SPOCK3: variants seen among roughly 807,000 people sequenced by gnomAD.
The protein encoded by SPOCK3 is testican-3.
SPOCK3 carries 30 observed loss-of-function variants against 56.6 expected under a neutral mutation model. The observed-to-expected ratio is 0.53, with a 90% CI of 0.40 to 0.72. The LOEUF is 0.72. SPOCK3 is among the 30% of genes least tolerant of loss of function. SPOCK3 has a pLI of 0.00. For missense variants in SPOCK3, 527 were observed against 530.0 expected, an observed-to-expected ratio of 0.99 and a Z score of 0.06; for synonymous variants, 196 against 183.3, an observed-to-expected ratio of 1.07 and a Z score of -0.56.
chr4:166,951,350 T>C (rs1169886162), intron 4 of SPOCK3, among the ~76,000 whole-genome samples: 2 of 137,178 alleles, frequency 1.5e-5, no homozygotes, highest in Non-Finnish European at 3.1e-5. Flanking sequence ...GATAAATTCC[T>C]CGACACATAC....
chr4:166,937,934 C>T (rs371521910), intron 4 of SPOCK3, among the ~76,000 whole-genome samples: 15 of 131,544 alleles, frequency 1.1e-4, no homozygotes, highest in South Asian at 2.5e-4. Flanking sequence ...CGGCTAATCT[C>T]TTTTTTTTTT....
intron 4 of SPOCK3, among the ~76,000 whole-genome samples, chr4:166,990,074 A>G (rs1419388029): frequency 6.6e-6 from 1 of 152,192 alleles, no homozygotes; most frequent in African/African-American, 2.4e-5. Flanking sequence ...GATCTCAGAA[A>G]GATGTCAGGG....
chr4:166,869,804 G>C (rs918456528), intron 6 of SPOCK3, among the ~76,000 whole-genome samples: 4 of 152,034 alleles, frequency 2.6e-5, no homozygotes, highest in Admixed American at 2.6e-4. Flanking sequence ...AATCTGGAGA[G>C]TCGGGCAATT....
chr4:166,782,536 TG>T (rs1740291431), intron 7 of SPOCK3, among the ~76,000 whole-genome samples: 1 of 152,104 alleles, frequency 6.6e-6, no homozygotes, highest in Admixed American at 6.6e-5. Flanking sequence ...TATGTGCAGA[TG>T]GGACATATTC....
At chr4:166,981,347 A>G (rs548385891) in intron 4 of SPOCK3, among the ~76,000 whole-genome samples, 49 of 151,558 alleles carry the variant, frequency 3.2e-4, no homozygotes, top group African/African-American at 1.1e-3. Flanking sequence ...CTCTCAGCCA[A>G]GAGGAGAACT....
chr4:166,978,995 T>A (rs1746283732), intron 4 of SPOCK3, among the ~76,000 whole-genome samples: 1 of 152,214 alleles, frequency 6.6e-6, no homozygotes. Flanking sequence ...TGTGAATGTA[T>A]TCTTCTTCAA....
At chr4:167,222,378 G>A (rs1736010688) in intron 2 of SPOCK3, among the ~76,000 whole-genome samples, 1 of 151,408 alleles carries the variant, frequency 6.6e-6, no homozygotes, top group South Asian at 2.1e-4. Context: ...AAAACAATGT[G>A]AATATACTTG....
intron 5 of SPOCK3, among the ~76,000 whole-genome samples, chr4:166,904,508 A>T (rs1345133895): frequency 6.6e-6 from 1 of 152,080 alleles, no homozygotes; most frequent in Non-Finnish European, 1.5e-5. Context: ...TTTTTGAGTA[A>T]CTCAGCTGAA....
At chr4:167,067,359 TA>T (rs952473046) in intron 2 of SPOCK3, among the ~76,000 whole-genome samples, 1 of 151,860 alleles carries the variant, frequency 6.6e-6, no homozygotes, top group Non-Finnish European at 1.5e-5. Context: ...CAATTTACGT[TA>T]ACTGCTATAA....
At chr4:166,793,503 T>C (rs1279851338) in intron 6 of SPOCK3, among the ~76,000 whole-genome samples, 1 of 152,132 alleles carries the variant, frequency 6.6e-6, no homozygotes, top group East Asian at 1.9e-4. Context: ...CAAATTTGTG[T>C]TGGGTCGCAT....
At chr4:167,124,665 C>T (rs1030160598) in intron 2 of SPOCK3, among the ~76,000 whole-genome samples, 3 of 151,816 alleles carry the variant, frequency 2.0e-5, no homozygotes, top group South Asian at 4.2e-4. Flanking sequence ...TTTCTTGAGA[C>T]TTTCAGTTGA....
At chr4:166,843,112 G>A (rs891618360) in intron 6 of SPOCK3, among the ~76,000 whole-genome samples, 2 of 152,192 alleles carry the variant, frequency 1.3e-5, no homozygotes, top group Non-Finnish European at 2.9e-5. Flanking sequence ...CGCTCTGAGT[G>A]CGGGGCCCGC....
chr4:167,182,910 C>G (rs759818535), intron 2 of SPOCK3, among the ~76,000 whole-genome samples: 2 of 152,132 alleles, frequency 1.3e-5, no homozygotes, highest in Non-Finnish European at 2.9e-5. Flanking sequence ...GTACTCATAT[C>G]CTGTCCATGG....
chr4:166,860,755 C>G (rs12648509), intron 6 of SPOCK3, among the ~76,000 whole-genome samples: 104 of 104,566 alleles, frequency 9.9e-4, no homozygotes, highest in African/African-American at 4.4e-3. Context: ...CACTACATTC[C>G]TCACTCAGAA....
chr4:167,094,347 T>A (rs1047103673), intron 2 of SPOCK3, among the ~76,000 whole-genome samples: 1 of 152,040 alleles, frequency 6.6e-6, no homozygotes, highest in Admixed American at 6.6e-5. Flanking sequence ...TACACACTAA[T>A]AAACATATGT....
chr4:167,149,251 A>T (rs752201830), intron 2 of SPOCK3, among the ~76,000 whole-genome samples: 1 of 152,142 alleles, frequency 6.6e-6, no homozygotes, highest in Non-Finnish European at 1.5e-5. Context: ...AAAATTTCCT[A>T]TGTACTGAGA....
At chr4:167,109,264 T>C (rs1290223973) in intron 2 of SPOCK3, among the ~76,000 whole-genome samples, 20 of 90,384 alleles carry the variant, frequency 2.2e-4, no homozygotes, top group Middle Eastern at 0.015. Context: ...ATATTTATTA[T>C]TATTATAAAA....
intron 8 of SPOCK3, among the ~76,000 whole-genome samples, chr4:166,743,317 T>G (rs1442036419): frequency 6.6e-6 from 1 of 152,112 alleles, no homozygotes; most frequent in African/African-American, 2.4e-5. Context: ...TTTTAAAATT[T>G]TATAATACAT....
At chr4:166,868,859 T>C (rs1436752843) in intron 6 of SPOCK3, among the ~76,000 whole-genome samples, 1 of 152,136 alleles carries the variant, frequency 6.6e-6, no homozygotes, top group Non-Finnish European at 1.5e-5. Context: ...TTACAAAATT[T>C]CTCTATTATC....
Sources: gnomAD v4.1 joint callset for allele counts (sites outside exome capture counted in the v4.1 genomes callset) on GRCh38, gnomAD v4.1.1 for gene constraint, MANE v1.5 for transcripts, NCBI Gene and HGNC (gene_info 2026-07-23, HGNC 2026-07-21) for gene names.